TAF2: variants seen among roughly 807,000 people sequenced by gnomAD.
The protein encoded by TAF2 is TATA-box binding protein associated factor 2, also known as transcription initiation factor TFIID subunit 2.
Under a neutral mutation model 138.5 loss-of-function variants are expected in TAF2, and 61 were observed. The ratio of observed to expected loss-of-function variants is 0.44; its 90% CI spans 0.36 to 0.54. The LOEUF is 0.54. Among genes scored for constraint, TAF2 ranks in the 20% least tolerant of loss-of-function variants. The probability of loss-of-function intolerance (pLI) is 0.00; values close to 1 mark genes in which losing one functional copy is unlikely to be tolerated. For synonymous variants in TAF2, 475 were observed against 469.9 expected (o/e 1.01, Z -0.14); for missense variants, 1,090 against 1,427.9 (o/e 0.76, Z 3.81).
At chr8:119,790,541 T>G (rs1158442423) in intron 11 of TAF2, among the ~76,000 whole-genome samples, 1 of 152,188 alleles carries the variant, frequency 6.6e-6, no homozygotes, top group East Asian at 1.9e-4. Flanking sequence ...GCATTATTTT[T>G]TACCTGCCTC....
chr8:119,777,871 A>T, intron 18 of TAF2, 148 bp downstream of exon 18: 8 of 545,032 alleles, frequency 1.5e-5, no homozygotes, highest in Non-Finnish European at 2.7e-5. Flanking sequence ...AGAAATGTCA[A>T]GGACTGTGGA....
intron 2 of TAF2, among the ~76,000 whole-genome samples, chr8:119,831,466 G>T (rs1554666145): frequency 6.6e-6 from 1 of 151,286 alleles, no homozygotes; most frequent in South Asian, 2.1e-4. Context: ...TTAGGAAATT[G>T]AAAAAAAAGG....
intron 2 of TAF2, among the ~76,000 whole-genome samples, chr8:119,830,151 G>C (rs1263807149): frequency 6.6e-6 from 1 of 151,994 alleles, no homozygotes; most frequent in Non-Finnish European, 1.5e-5. Flanking sequence ...ACCCGCCTCA[G>C]CCTCCCAAAG....
At chr8:119,789,536 T>G in intron 12 of TAF2, 56 bp downstream of exon 12, 1 of 1,601,988 alleles carries the variant, frequency 6.2e-7, no homozygotes, top group Admixed American at 1.7e-5. Flanking sequence ...ATCTTCCCCT[T>G]GCACACATAC....
At chr8:119,778,906 T>C (rs527533929) in intron 17 of TAF2, among the ~76,000 whole-genome samples, 1 of 152,160 alleles carries the variant, frequency 6.6e-6, no homozygotes, top group Non-Finnish European at 1.5e-5. Context: ...TGGCGAGATA[T>C]GGACTAGCCC....
intron 2 of TAF2, among the ~76,000 whole-genome samples, chr8:119,828,013 G>A (rs1826212043): frequency 6.6e-6 from 1 of 152,130 alleles, no homozygotes. Flanking sequence ...AAAGTGCTGG[G>A]ATTACAAGCG....
chr8:119,830,652 G>A (rs1018246957), intron 2 of TAF2, among the ~76,000 whole-genome samples: 2 of 152,122 alleles, frequency 1.3e-5, no homozygotes, highest in Admixed American at 6.6e-5. Flanking sequence ...CATGAAAAGC[G>A]ACATTTTTCT....
At chr8:119,799,945 GTCT>G (rs1824129425) in intron 6 of TAF2, among the ~76,000 whole-genome samples, 1 of 152,174 alleles carries the variant, frequency 6.6e-6, no homozygotes. Context: ...CTGCATAAAT[GTCT>G]TCTTTTGAGA....
intron 12 of TAF2, among the ~76,000 whole-genome samples, 174 bp downstream of exon 12, chr8:119,789,418 G>A (rs983297974): frequency 1.3e-5 from 2 of 152,014 alleles, no homozygotes; most frequent in African/African-American, 2.4e-5. Flanking sequence ...TTAATGTCTA[G>A]TAGGCATCTT....
Position 119,783,606 on chromosome 8 carries a change from C to G in TAF2, c.1887G>C (p.Arg629Ser). 6.2e-7 allele frequency: 1 copy of G among 1,614,122 alleles called. No individual in the cohort carries two copies. ...MDADSPLLWI[R>S]IDPDMSVLRK... is the part of the protein sequence containing the mutation. ...TCAATACTGACATATCTGGGTCTAT[C>G]CTTATCCACAGCAAAGGGGAATCAG... The change falls in exon 16 of 26, where the codon AGG (arginine) becomes AGC (serine). Residue 629 changes from arginine (R) to serine (S), a missense_variant. Transcript: ENST00000378164.
At chr8:119,788,502 T>A (rs189497205) in intron 13 of TAF2, 55 bp from the exon 14 acceptor site, 1 of 1,277,484 alleles carries the variant, frequency 7.8e-7, no homozygotes, top group Non-Finnish European at 1.1e-6. Context: ...TACCAATATG[T>A]ATGCTTATGT....
At chr8:119,779,427 C>A (rs62526569) in intron 17 of TAF2, among the ~76,000 whole-genome samples, 1 of 152,042 alleles carries the variant, frequency 6.6e-6, no homozygotes, top group Non-Finnish European at 1.5e-5. Flanking sequence ...GTTCATAACT[C>A]CAATTTGAAA....
At chr8:119,734,744 A>G (rs1006266816) in intron 25 of TAF2, among the ~76,000 whole-genome samples, 1 of 152,222 alleles carries the variant, frequency 6.6e-6, no homozygotes, top group Non-Finnish European at 1.5e-5. Context: ...CAAAGAAGAA[A>G]TAAATTGAGT....
chr8:119,779,411 C>T (rs1822488739), intron 17 of TAF2, among the ~76,000 whole-genome samples: 1 of 152,022 alleles, frequency 6.6e-6, no homozygotes, highest in Admixed American at 6.6e-5. Context: ...GATCCCTTCA[C>T]TAATGGTTCA....
chr8:119,831,529 T>C (rs942701044), intron 2 of TAF2, 148 bp downstream of exon 2: 4 of 543,772 alleles, frequency 7.4e-6, no homozygotes, highest in Non-Finnish European at 3.2e-6. Flanking sequence ...ATGGAACTTG[T>C]AATCATACAG....
rs1369364453 is a variant in TAF2 at position 119,731,171 on chromosome 8, A to G, written c.*753T>C. The G allele has an allele frequency of 6.6e-6, 1 of 152,222 alleles. No homozygotes were observed. The highest frequency in any genetic ancestry group is 1.5e-5 in the Non-Finnish European group (1 of 68,040). 9.4% of individuals were successfully genotyped at this position (152,222 alleles called of 1,614,324 possible). On this transcript the variant is annotated 3_prime_UTR_variant, in exon 26 of 26. Transcript: ENST00000378164. ...ACATATTTTACATATGAATATTTTC[A>G]TTTATACTTACTGGAAAACAAAACA... is the stretch of plus-strand genomic sequence containing the variant.
intron 18 of TAF2, among the ~76,000 whole-genome samples, chr8:119,764,086 C>G (rs967398099): frequency 1.3e-5 from 2 of 149,496 alleles, no homozygotes; most frequent in African/African-American, 5.0e-5. Context: ...GTGGAGGTTG[C>G]AGTGAGCCGA....
chr8:119,780,706 T>C (rs903685816), intron 17 of TAF2, among the ~76,000 whole-genome samples: 7 of 151,816 alleles, frequency 4.6e-5, no homozygotes, highest in African/African-American at 1.5e-4. Context: ...GAGGCCGAGG[T>C]GGGCGGATCA....
At chr8:119,782,281 C>T (rs1280873387) in intron 16 of TAF2, among the ~76,000 whole-genome samples, 1 of 152,038 alleles carries the variant, frequency 6.6e-6, no homozygotes, top group Admixed American at 6.6e-5. Flanking sequence ...CTATGTCTTG[C>T]TATTGATATT....
Sources: allele counts gnomAD v4.1 joint callset (sites outside exome capture counted in the v4.1 genomes callset), GRCh38; gene constraint gnomAD v4.1.1; transcripts MANE v1.5; gene names NCBI Gene and HGNC (gene_info 2026-07-23, HGNC 2026-07-21).